The following DENND1A variants were observed in gnomAD, a reference collection of about 807,000 sequenced individuals.
The protein encoded by DENND1A is DENN domain-containing protein 1A.
DENND1A carries 51 observed loss-of-function variants against 113.7 expected under a neutral mutation model. That is an observed-to-expected ratio of 0.45 (90% CI 0.36 to 0.57). The LOEUF is 0.57. Ranked by LOEUF, DENND1A falls within the 20% of genes least tolerant of loss-of-function variation. The pLI, the probability that DENND1A is intolerant of heterozygous loss-of-function variation, is 0.00. For missense variants in DENND1A, 1,258 were observed against 1,395.9 expected, an observed-to-expected ratio of 0.90 and a Z score of 1.57; for synonymous variants, 565 against 570.8, an observed-to-expected ratio of 0.99 and a Z score of 0.14.
intron 2 of DENND1A, among the ~76,000 whole-genome samples, chr9:123,842,702 A>C (rs1342735890): frequency 6.6e-6 from 1 of 152,238 alleles, no homozygotes; most frequent in African/African-American, 2.4e-5. Context: ...TTAAAGAAGA[A>C]TGAATACCAA....
chr9:123,737,140 G>A (rs980569975), intron 5 of DENND1A, among the ~76,000 whole-genome samples: 1 of 152,108 alleles, frequency 6.6e-6, no homozygotes, highest in Non-Finnish European at 1.5e-5. Flanking sequence ...CATCTCATAT[G>A]GAATATATTT....
At chr9:123,870,591 C>A (rs1006111121) in intron 2 of DENND1A, among the ~76,000 whole-genome samples, 3 of 151,992 alleles carry the variant, frequency 2.0e-5, no homozygotes, top group African/African-American at 7.3e-5. Context: ...TGCATGCCAC[C>A]ACACCCAGCT....
chr9:123,925,287 C>T (rs967464620), intron 1 of DENND1A, among the ~76,000 whole-genome samples: 20 of 152,110 alleles, frequency 1.3e-4, no homozygotes, highest in Non-Finnish European at 1.5e-4. Flanking sequence ...ATCACTACTG[C>T]CTCTACTCCC....
At chr9:123,732,166 T>A (rs183635842) in intron 5 of DENND1A, among the ~76,000 whole-genome samples, 26 of 152,326 alleles carry the variant, frequency 1.7e-4, no homozygotes, top group Admixed American at 3.9e-4. Flanking sequence ...CTTGGCAACA[T>A]ACACCCAGCA....
intron 19 of DENND1A, chr9:123,413,288 A>C (rs2044458027): frequency 2.1e-6 from 1 of 479,414 alleles, no homozygotes; most frequent in South Asian, 9.0e-5. Context: ...TAGATTGATT[A>C]CATGTTGAAA....
At chr9:123,711,593 C>CCTAAA (rs1564998735) in intron 5 of DENND1A, among the ~76,000 whole-genome samples, 42 of 140,802 alleles carry the variant, frequency 3.0e-4, no homozygotes, top group African/African-American at 1.1e-3. Flanking sequence ...ATCCTACCTA[C>CCTAAA]TGCAAACCTA....
intron 5 of DENND1A, among the ~76,000 whole-genome samples, chr9:123,702,070 A>G (rs2065914582): frequency 6.6e-6 from 1 of 152,232 alleles, no homozygotes; most frequent in Non-Finnish European, 1.5e-5. Flanking sequence ...GAGAAACATA[A>G]TAAGTGACCA....
chr9:123,780,269 T>C (rs997260715), intron 3 of DENND1A, among the ~76,000 whole-genome samples: 6 of 152,180 alleles, frequency 3.9e-5, no homozygotes, highest in Non-Finnish European at 8.8e-5. Context: ...CAGAATCCTG[T>C]CCTGTGTCTA....
chr9:123,735,010 G>A (rs750062888), intron 5 of DENND1A, among the ~76,000 whole-genome samples: 5 of 152,096 alleles, frequency 3.3e-5, no homozygotes, highest in Non-Finnish European at 7.4e-5. Flanking sequence ...AGAAGGAGAA[G>A]CCAGAAAAGT....
At chr9:123,743,912 A>G (rs538450001) in intron 5 of DENND1A, among the ~76,000 whole-genome samples, 9 of 152,280 alleles carry the variant, frequency 5.9e-5, no homozygotes, top group African/African-American at 1.7e-4. Flanking sequence ...ATTTGAACAC[A>G]GTTCTGATTT....
At chr9:123,827,830 T>TGGGA (rs1169032116) in intron 2 of DENND1A, among the ~76,000 whole-genome samples, 1 of 152,030 alleles carries the variant, frequency 6.6e-6, no homozygotes. Context: ...AACCCCTAAT[T>TGGGA]GGGAAGGAAG....
intron 11 of DENND1A, among the ~76,000 whole-genome samples, chr9:123,584,879 G>A (rs75674272): frequency 0.042 from 6,339 of 152,206 alleles, 169 homozygotes; most frequent in South Asian, 0.057. Context: ...TGGGGTGTGG[G>A]CTCCTTCAGG....
At chr9:123,557,297 C>A (rs1337582536) in intron 13 of DENND1A, among the ~76,000 whole-genome samples, 3 of 152,144 alleles carry the variant, frequency 2.0e-5, no homozygotes, top group Non-Finnish European at 4.4e-5. Flanking sequence ...AGGGGCCTGG[C>A]GCTGCATCTG....
At chr9:123,909,883 T>C (rs1853647984) in intron 1 of DENND1A, among the ~76,000 whole-genome samples, 1 of 152,144 alleles carries the variant, frequency 6.6e-6, no homozygotes, top group Non-Finnish European at 1.5e-5. Flanking sequence ...TATTTCTATA[T>C]GCTAGTAAAA....
At chr9:123,497,935 C>T (rs1270478782) in intron 13 of DENND1A, among the ~76,000 whole-genome samples, 1 of 152,122 alleles carries the variant, frequency 6.6e-6, no homozygotes, top group Admixed American at 6.5e-5. Flanking sequence ...TTCATCAACC[C>T]AGACCCCATG....
intron 2 of DENND1A, among the ~76,000 whole-genome samples, chr9:123,858,327 AG>A: frequency 6.6e-6 from 1 of 152,378 alleles, no homozygotes; most frequent in East Asian, 1.9e-4. Flanking sequence ...CAAATTGTGC[AG>A]AAGAAAAAAT....
chr9:123,899,993 C>CTAGG (rs1248722232), intron 1 of DENND1A, among the ~76,000 whole-genome samples: 2 of 152,332 alleles, frequency 1.3e-5, no homozygotes, highest in African/African-American at 4.8e-5. Flanking sequence ...GTGAGACAGC[C>CTAGG]TAGGCTACAT....
intron 5 of DENND1A, among the ~76,000 whole-genome samples, chr9:123,748,439 T>C (rs1253102896): frequency 2.0e-5 from 3 of 152,236 alleles, no homozygotes; most frequent in Non-Finnish European, 1.5e-5. Context: ...CAAACTTCAA[T>C]CATGGTACTA....
At chr9:123,895,253 C>T (rs567317472) in intron 1 of DENND1A, among the ~76,000 whole-genome samples, 1 of 152,164 alleles carries the variant, frequency 6.6e-6, no homozygotes, top group East Asian at 1.9e-4. Context: ...CCCTTCAGAT[C>T]CTCCACTGAA....
Sources: allele counts gnomAD v4.1 joint callset (sites outside exome capture counted in the v4.1 genomes callset), GRCh38; gene constraint gnomAD v4.1.1; transcripts MANE v1.5; gene names NCBI Gene and HGNC (gene_info 2026-07-23, HGNC 2026-07-21).